HERC2: variants seen among roughly 807,000 people sequenced by gnomAD.
HERC2 encodes E3 ubiquitin-protein ligase HERC2.
HERC2 carries 102 observed loss-of-function variants against 537.7 expected under a neutral mutation model. The ratio of observed to expected loss-of-function variants is 0.19; its 90% CI spans 0.16 to 0.22. HERC2 has a LOEUF of 0.22. HERC2 is among the 10% of genes least tolerant of loss of function. The probability of loss-of-function intolerance (pLI) is 1.00; values close to 1 mark genes in which losing one functional copy is unlikely to be tolerated. For missense variants in HERC2, 4,236 were observed against 6,198.2 expected, an observed-to-expected ratio of 0.68 and a Z score of 10.63; for synonymous variants, 2,224 against 2,466.2, an observed-to-expected ratio of 0.90 and a Z score of 2.91.
rs145050992 is a variant in HERC2, at chr15:28,261,401, T to C, written c.2123-431A>G. Among the ~76,000 whole-genome samples the C allele has an allele frequency of 5.0e-3, 755 of 152,332 alleles. 7 individuals carry two copies. Among genetic ancestry groups the C allele is most frequent in the African/African-American group, 0.017 (711 of 41,568 alleles). ...TTAGATATAACTGATATTTAAAACATTGTTTCTATTTAAACACTTAGCAAA... is the reference window on the plus strand; with the variant it reads ...TTAGATATAACTGATATTTAAAACACTGTTTCTATTTAAACACTTAGCAAA... On this transcript the variant is annotated intron_variant, in intron 15 of 92. Coordinates refer to ENST00000261609, the MANE Select transcript of HERC2 (RefSeq NM_004667.6).
chr15:28,114,591 C>T, intron 90 of HERC2, 21 bp downstream of exon 90: 1 of 1,608,062 alleles, frequency 6.2e-7, no homozygotes, highest in Non-Finnish European at 8.5e-7. Context: ...GTCAATGCAA[C>T]AGAGACGGAT....
chr15:28,271,950 A>G, intron 9 of HERC2: 1 of 485,022 alleles, frequency 2.1e-6, no homozygotes. Flanking sequence ...GCAGGCCGCT[A>G]TTTTCGTTGT....
At chr15:28,318,644 C>T (rs1196809671) in intron 2 of HERC2, among the ~76,000 whole-genome samples, 1 of 151,484 alleles carries the variant, frequency 6.6e-6, no homozygotes, top group Non-Finnish European at 1.5e-5. Context: ...AAGTATTGTA[C>T]AATTAAACTG....
At chr15:28,299,074 C>T (rs2076550514) in intron 3 of HERC2, among the ~76,000 whole-genome samples, 1 of 152,156 alleles carries the variant, frequency 6.6e-6, no homozygotes, top group Admixed American at 6.5e-5. Context: ...TCTTACTGAG[C>T]ATGCAAAACT....
At chr15:28,185,010 T>C (rs1343872626) in intron 56 of HERC2, among the ~76,000 whole-genome samples, 1 of 20,604 alleles carries the variant, frequency 4.9e-5, no homozygotes, top group Non-Finnish European at 1.0e-4. Context: ...TTAAGTGAAC[T>C]GGTATTGTCC....
Position 28,141,464 on chromosome 15 carries a change from G to T in HERC2, c.11983C>A (p.Gln3995Lys). 1 of 1,614,154 alleles carries T rather than the reference G, an allele frequency of 6.2e-7. No individual in the cohort carries two copies. The highest frequency in any genetic ancestry group is 8.5e-7 in the Non-Finnish European group (1 of 1,180,032). Residue 3995 changes from glutamine to lysine, a missense_variant, in exon 78 of 93, where the codon CAG becomes AAG. Physicochemically the swap from Gln to Lys is moderately conservative, Grantham distance 53. Coordinates refer to ENST00000261609, the MANE Select transcript of HERC2 (RefSeq NM_004667.6). ...LRPVQLIGGEQTLFAVTADGK... is the reference protein window; with the variant it reads ...LRPVQLIGGEKTLFAVTADGK... ...TCAGCCGTCACAGCAAAGAGGGTCT[G>T]TTCCCCTCCGATTAACTGCACGGGT...
At position 28,127,034 on chromosome 15, in the gene HERC2, G is replaced by T. The variant is rs534628796; in HGVS notation, c.12803-1841C>A. On this transcript the variant is annotated intron_variant, in intron 83 of 92. Coordinates refer to ENST00000261609, the MANE Select transcript of HERC2 (RefSeq NM_004667.6). ...CTCAGGCAAGGTCCCTGGTGACCAGGATGGAAACAAGGCTCATGTTCTCTG... is the reference window on the plus strand; with the variant it reads ...CTCAGGCAAGGTCCCTGGTGACCAGTATGGAAACAAGGCTCATGTTCTCTG... Among the ~76,000 whole-genome samples the T allele has an allele frequency of 1.8e-3, 279 of 152,304 alleles. 1 individual carries two copies. Among genetic ancestry groups the T allele is most frequent in the Admixed American group, 5.9e-3 (91 of 15,300 alleles).
At chr15:28,258,814 C>CAA (rs2075338995) in intron 16 of HERC2, among the ~76,000 whole-genome samples, 1 of 151,598 alleles carries the variant, frequency 6.6e-6, no homozygotes, top group Admixed American at 6.6e-5. Context: ...TTGAAAAGAT[C>CAA]AACAAAATTG....
intron 4 of HERC2, among the ~76,000 whole-genome samples, chr15:28,281,028 T>C (rs556620594): frequency 6.6e-6 from 1 of 152,144 alleles, no homozygotes; most frequent in African/African-American, 2.4e-5. Context: ...CAAAACCAAA[T>C]TCAATATAAA....
chr15:28,116,654 GAGA>G lies in HERC2; in HGVS notation c.13609+8_13609+10del. On this transcript the variant is annotated splice_region_variant and intron_variant, in intron 88 of 92. Coordinates refer to ENST00000261609, the MANE Select transcript of HERC2 (RefSeq NM_004667.6). The stretch of plus-strand genomic sequence containing the variant: ...CACAGCGACACAGTCTCAAGCGGCC[GAGA>G]AGCTCACCCAGGAAGCGGAACATGC... 1 of 1,601,582 alleles carries G rather than the reference GAGA, an allele frequency of 6.2e-7. No homozygotes were observed. The highest frequency in any genetic ancestry group is 8.5e-7 in the Non-Finnish European group (1 of 1,172,546).
At chr15:28,128,382 T>C (rs1424039325) in intron 83 of HERC2, among the ~76,000 whole-genome samples, 1 of 152,232 alleles carries the variant, frequency 6.6e-6, no homozygotes, top group Non-Finnish European at 1.5e-5. Flanking sequence ...CTCACTCTCA[T>C]GTGGACTGGG....
At chr15:28,185,458 T>G (rs1461393705) in intron 56 of HERC2, among the ~76,000 whole-genome samples, 1 of 152,224 alleles carries the variant, frequency 6.6e-6, no homozygotes, top group African/African-American at 2.4e-5. Context: ...ACTTAGCAAT[T>G]TCACTTTCAG....
At position 28,254,504 on chromosome 15, in the gene HERC2, T is replaced by G; in HGVS notation, c.2886A>C (p.Lys962Asn). The G allele has an allele frequency of 6.3e-7, 1 of 1,594,404 alleles. No homozygotes were observed. The highest frequency in any genetic ancestry group is 8.5e-7 in the Non-Finnish European group (1 of 1,174,544). Reference protein sequence around the residue: ...ITAEIQDIEAKKEAQKEKEID... With the variant: ...ITAEIQDIEANKEAQKEKEID... ...TTTCTTTTTCCTTCTGTGCTTCTTT[T>G]TTGGCTTCAATATCCTGTAATTCAT... Residue 962 changes from lysine (K) to asparagine (N), a missense_variant, in exon 20 of 93, where the codon AAA (lysine) becomes AAC (asparagine). Around this residue, in one of 27 missense-constraint regions of HERC2, gnomAD observed 754 missense variants for 1,085.0 expected, o/e 0.69. Coordinates refer to ENST00000261609, the MANE Select transcript of HERC2 (RefSeq NM_004667.6).
chr15:28,187,687 A>G (rs1377390580), intron 55 of HERC2, among the ~76,000 whole-genome samples: 1 of 152,188 alleles, frequency 6.6e-6, no homozygotes, highest in Non-Finnish European at 1.5e-5. Context: ...CATAGCACAA[A>G]CAATAACTCC....
intron 4 of HERC2, among the ~76,000 whole-genome samples, chr15:28,286,930 CA>C (rs2076171800): frequency 6.6e-6 from 1 of 151,216 alleles, no homozygotes; most frequent in Non-Finnish European, 1.5e-5. Context: ...GGAAACATTG[CA>C]AAAAAAATGT....
At chr15:28,259,911 A>C (rs2140921567) in intron 16 of HERC2, among the ~76,000 whole-genome samples, 1 of 149,276 alleles carries the variant, frequency 6.7e-6, no homozygotes, top group African/African-American at 2.4e-5. Context: ...CAGGTTGCAG[A>C]GAGCTGAGAT....
chr15:28,272,484 A>G (rs2075762662), intron 8 of HERC2, 98 bp from the exon 9 acceptor site: 1 of 1,116,244 alleles, frequency 9.0e-7, no homozygotes. Context: ...AGAAGTGAAC[A>G]AATACTTGGG....
At chr15:28,146,881 G>A (rs1388254350) in intron 70 of HERC2, among the ~76,000 whole-genome samples, 2 of 133,346 alleles carry the variant, frequency 1.5e-5, no homozygotes, top group East Asian at 4.0e-4. Flanking sequence ...GGCACTGAGA[G>A]GCCGGGAAAG....
chr15:28,279,059 T>C (rs1215983946), intron 5 of HERC2, among the ~76,000 whole-genome samples: 1 of 152,158 alleles, frequency 6.6e-6, no homozygotes, highest in African/African-American at 2.4e-5. Flanking sequence ...TGGCACAATC[T>C]CCGCTCACCG....
Sources: allele counts gnomAD v4.1 joint callset (sites outside exome capture counted in the v4.1 genomes callset), GRCh38; gene constraint gnomAD v4.1.1; regional missense constraint gnomAD v4.1.1; transcripts MANE v1.5; gene names NCBI Gene and HGNC (gene_info 2026-07-23, HGNC 2026-07-21).